Variants in OR4N2 observed in about 807,000 individuals in gnomAD.
OR4N2 encodes the protein olfactory receptor 4N2.
For missense variants in OR4N2, 307 were observed against 377.6 expected, an observed-to-expected ratio of 0.81 and a Z score of 1.55; for synonymous variants, 141 against 140.4, an observed-to-expected ratio of 1.00 and a Z score of -0.03.
chr14:19,820,597 G>A (rs1346725173), intron 1 of OR4N2, among the ~76,000 whole-genome samples: 3 of 152,260 alleles, frequency 2.0e-5, no homozygotes, highest in Non-Finnish European at 4.4e-5. Context: ...CCTGACTGGG[G>A]ACGCTGCCTT....
In OR4N2 at chr14:19,827,544, A is replaced by G; in HGVS notation, c.96A>G (p.Leu32=). The G allele has an allele frequency of 1.2e-6, 2 of 1,614,138 alleles. No homozygotes were observed. The highest frequency in any genetic ancestry group is 1.7e-6 in the Non-Finnish European group (2 of 1,179,968). ...AGCTCCTGGTCTTTGTGCTAGTTTT[A>G]ATATTCTACTTCATCATCCTCCCTG... ...DIQLLVFVLV[L]IFYFIILPGN... Residue 32 remains leucine, a synonymous_variant, in exon 2 of 2, where the codon TTA becomes TTG. Coordinates refer to ENST00000557677, the MANE Select transcript of OR4N2 (RefSeq NM_001004723.3).
chr14:19,804,437 T>G (rs1466326152), intron 1 of OR4N2, among the ~76,000 whole-genome samples: 1 of 152,262 alleles, frequency 6.6e-6, no homozygotes, highest in African/African-American at 2.4e-5. Context: ...ATTTCTTGAC[T>G]TCTGCCTGAA....
chr14:19,818,861 T>TAAGA (rs1879492824), intron 1 of OR4N2, among the ~76,000 whole-genome samples: 1 of 152,262 alleles, frequency 6.6e-6, no homozygotes, highest in African/African-American at 2.4e-5. Context: ...CTGGAGCTCT[T>TAAGA]GTAAGGCAGG....
chr14:19,807,203 C>T (rs183267468), intron 1 of OR4N2, among the ~76,000 whole-genome samples: 26 of 151,100 alleles, frequency 1.7e-4, no homozygotes, highest in Non-Finnish European at 3.0e-4. Flanking sequence ...AAGCTCAAAG[C>T]TAGCAGAATA....
chr14:19,817,252 T>G lies in OR4N2; in HGVS notation c.-9-10188T>G, dbSNP rs545995350. 2.0e-5 allele frequency among the ~76,000 whole-genome samples: 3 copies of G among 152,352 alleles called. No homozygotes were observed. The South Asian group carries it at 6.2e-4, about 32-fold the overall frequency. ...CCTCTTTTTCTATTGTTTGTAATAG[T>G]TTCTGAAGGAATGGTACCAGCTCCT... On this transcript the variant is annotated intron_variant, in intron 1 of 1. Coordinates refer to ENST00000557677, the MANE Select transcript of OR4N2 (RefSeq NM_001004723.3).
In OR4N2 at chr14:19,827,475, A is replaced by C. The variant is rs769880494; in HGVS notation, c.27A>C (p.Ile9=). The part of the protein sequence containing the change: MESENRTV[I]REFILLGLTQ... ...TGGAAAGCGAGAACAGAACAGTGAT[A>C]AGAGAATTCATCCTCCTTGGTCTGA... The change falls in exon 2 of 2, where the codon ATA becomes ATC. Residue 9 remains isoleucine (I), a synonymous_variant. Coordinates refer to ENST00000557677, the MANE Select transcript of OR4N2 (RefSeq NM_001004723.3). 5.6e-6 allele frequency: 9 copies of C among 1,605,166 alleles called. No individual in the cohort carries two copies. The Admixed American group carries it at 6.8e-5, about 12-fold the overall frequency.
intron 1 of OR4N2, among the ~76,000 whole-genome samples, chr14:19,811,207 A>C (rs1566463235): frequency 6.6e-6 from 1 of 152,276 alleles, no homozygotes; most frequent in Non-Finnish European, 1.5e-5. Flanking sequence ...TTGCATTACA[A>C]GGAAAGATGA....
At chr14:19,806,766 A>C (rs1489859620) in intron 1 of OR4N2, among the ~76,000 whole-genome samples, 4 of 152,196 alleles carry the variant, frequency 2.6e-5, no homozygotes, top group African/African-American at 9.6e-5. Flanking sequence ...ATTCATTCTC[A>C]TCTGCACATG....
intron 1 of OR4N2, among the ~76,000 whole-genome samples, chr14:19,827,152 GAATCC>G (rs1879719401): frequency 6.6e-6 from 1 of 152,252 alleles, no homozygotes; most frequent in Non-Finnish European, 1.5e-5. Flanking sequence ...AAGAATGTAG[GAATCC>G]CAACGTGGAG....
At chr14:19,819,412 C>T (rs183571240) in intron 1 of OR4N2, among the ~76,000 whole-genome samples, 105 of 152,308 alleles carry the variant, frequency 6.9e-4, no homozygotes, top group African/African-American at 2.3e-3. Context: ...CCAATCTTGT[C>T]GTCACGCTTT....
At chr14:19,816,711 G>A (rs146680653) in intron 1 of OR4N2, among the ~76,000 whole-genome samples, 15 of 152,316 alleles carry the variant, frequency 9.8e-5, no homozygotes, top group African/African-American at 3.6e-4. Context: ...GATTGCCCTG[G>A]CCAGAACTTC....
intron 1 of OR4N2, among the ~76,000 whole-genome samples, chr14:19,805,618 C>A (rs1309685512): frequency 1.8e-4 from 27 of 152,142 alleles, no homozygotes; most frequent in African/African-American, 6.3e-4. Context: ...AACTCATTAC[C>A]ATTACTGAGA....
Position 19,809,665 on chromosome 14 carries a change from T to C in OR4N2, c.-10+5821T>C, listed in dbSNP as rs572443829. Among the ~76,000 whole-genome samples, 840 of 152,138 alleles carry C rather than the reference T, an allele frequency of 5.5e-3. 2 individuals are homozygous for C. The highest frequency in any genetic ancestry group is 9.9e-3 in the Non-Finnish European group (675 of 67,944). ...GTACAAAAACAGACACATAAACCAA[T>C]GGAACATAATGAGAGGCCAGAAATA... On this transcript the variant is annotated intron_variant, in intron 1 of 1. Transcript: ENST00000557677.
At chr14:19,820,812 G>T (rs1292224117) in intron 1 of OR4N2, among the ~76,000 whole-genome samples, 1 of 152,036 alleles carries the variant, frequency 6.6e-6, no homozygotes. Flanking sequence ...GTGAACTTCA[G>T]AGTGCTGTGC....
At chr14:19,824,454 A>G (rs1392056662) in intron 1 of OR4N2, among the ~76,000 whole-genome samples, 16 of 152,238 alleles carry the variant, frequency 1.1e-4, no homozygotes, top group Non-Finnish European at 2.4e-4. Flanking sequence ...GAAATCCTCA[A>G]ATGTCTCAGG....
At position 19,828,041 on chromosome 14, in the gene OR4N2, T is replaced by G; in HGVS notation, c.593T>G (p.Leu198Arg). 1 of 1,614,266 alleles carries G rather than the reference T, an allele frequency of 6.2e-7. No homozygotes were observed. The highest frequency in any genetic ancestry group is 8.5e-7 in the Non-Finnish European group (1 of 1,180,050). Reference sequence around the variant, plus strand: ...ACCGACACATTTGTGGTGGAGCTTCTGATGGTCTTCAACAGTGGCCTGATG... The same window carrying G: ...ACCGACACATTTGTGGTGGAGCTTCGGATGGTCTTCAACAGTGGCCTGATG... ...ACTDTFVVEL[L>R]MVFNSGLMTL... The change falls in exon 2 of 2, where the codon CTG becomes CGG. Residue 198 changes from leucine to arginine, a missense_variant. Leu to Arg is a moderately radical substitution (Grantham distance 102). Coordinates refer to ENST00000557677, the MANE Select transcript of OR4N2 (RefSeq NM_001004723.3).
chr14:19,810,998 A>T (rs1348420885), intron 1 of OR4N2, among the ~76,000 whole-genome samples: 1 of 152,266 alleles, frequency 6.6e-6, no homozygotes, highest in East Asian at 1.9e-4. Flanking sequence ...TGTAGAGCTG[A>T]AAACTTTATA....
In OR4N2 at chr14:19,823,285, C is replaced by G. The variant is rs150055752; in HGVS notation, c.-9-4155C>G. 2.5e-3 allele frequency among the ~76,000 whole-genome samples: 380 copies of G among 152,146 alleles called. 2 individuals are homozygous for G. Among genetic ancestry groups the G allele is most frequent in the South Asian group, 0.022 (108 of 4,818 alleles). On this transcript the variant is annotated intron_variant, in intron 1 of 1. Transcript: ENST00000557677. ...ATATATTTATTTCATTAGGATGCTA[C>G]TAATGAAATTAACTTCTTTTTTTTA...
chr14:19,825,109 T>C (rs1342083726), intron 1 of OR4N2, among the ~76,000 whole-genome samples: 2 of 152,262 alleles, frequency 1.3e-5, no homozygotes, highest in African/African-American at 2.4e-5. Flanking sequence ...AACTACAAAA[T>C]ATTTTTTCCT....
Sources: gnomAD v4.1 joint callset for allele counts (sites outside exome capture counted in the v4.1 genomes callset) on GRCh38, gnomAD v4.1.1 for gene constraint, MANE v1.5 for transcripts, NCBI Gene and HGNC (gene_info 2026-07-23, HGNC 2026-07-21) for gene names.